The following MSRA variants were observed in gnomAD, a reference collection of about 807,000 sequenced individuals.
MSRA encodes the protein methionine sulfoxide reductase A, also known as mitochondrial peptide methionine sulfoxide reductase.
In MSRA, 54 loss-of-function variants were observed where a neutral mutation model predicts 31.3. The observed-to-expected ratio is 1.73, with a 90% CI of 1.39 to 2.17. MSRA has a LOEUF of 2.17. Ranked by LOEUF, MSRA falls within the 30% of genes most tolerant of loss-of-function variation. The probability of loss-of-function intolerance (pLI) is 0.00; values close to 1 mark genes in which losing one functional copy is unlikely to be tolerated. For synonymous variants in MSRA, 169 were observed against 116.5 expected (o/e 1.45, Z -2.90); for missense variants, 507 against 300.9 (o/e 1.69, Z -5.07).
intron 5 of MSRA, among the ~76,000 whole-genome samples, chr8:10,336,222 C>G (rs898715083): frequency 1.3e-5 from 2 of 152,062 alleles, no homozygotes; most frequent in African/African-American, 4.8e-5. Flanking sequence ...AACACAAAAT[C>G]TTTTAATAAA....
chr8:10,320,033 A>C (rs753290178), intron 5 of MSRA, 44 bp downstream of exon 5: 1 of 1,326,526 alleles, frequency 7.5e-7, no homozygotes, highest in Non-Finnish European at 1.1e-6. Context: ...GGCCACCATG[A>C]CTAGGGCCAG....
intron 3 of MSRA, among the ~76,000 whole-genome samples, chr8:10,252,157 G>C (rs1162519687): frequency 6.6e-6 from 1 of 152,208 alleles, no homozygotes; most frequent in Non-Finnish European, 1.5e-5. Flanking sequence ...TCTTTGTCGA[G>C]TAAGGGAACT....
chr8:10,168,274 C>T (rs117344298), intron 1 of MSRA, among the ~76,000 whole-genome samples: 2,774 of 152,142 alleles, frequency 0.018, 47 homozygotes, highest in Non-Finnish European at 0.027. Flanking sequence ...GTTCTAAAAC[C>T]TTGTGTTGTT....
At chr8:10,373,035 A>G (rs1490754128) in intron 5 of MSRA, among the ~76,000 whole-genome samples, 1 of 152,194 alleles carries the variant, frequency 6.6e-6, no homozygotes, top group East Asian at 1.9e-4. Context: ...GATTACAGGC[A>G]TGGCATTTAC....
intron 1 of MSRA, among the ~76,000 whole-genome samples, chr8:10,155,081 T>G (rs758333067): frequency 1.3e-5 from 2 of 150,862 alleles, no homozygotes; most frequent in Admixed American, 6.6e-5. Context: ...TCATTAAAAA[T>G]TTTTTATTGT....
chr8:10,345,394 G>C (rs1210038016), intron 5 of MSRA, among the ~76,000 whole-genome samples: 1 of 152,178 alleles, frequency 6.6e-6, no homozygotes, highest in Non-Finnish European at 1.5e-5. Context: ...ATTTCTAACT[G>C]AGTGTGTGAT....
intron 2 of MSRA, among the ~76,000 whole-genome samples, chr8:10,238,435 A>T (rs1812133595): frequency 6.6e-6 from 1 of 152,230 alleles, no homozygotes; most frequent in South Asian, 2.1e-4. Flanking sequence ...ATACACACTA[A>T]ACAGGGTAGG....
chr8:10,344,200 G>A (rs556533452), intron 5 of MSRA, among the ~76,000 whole-genome samples: 1 of 152,216 alleles, frequency 6.6e-6, no homozygotes, highest in South Asian at 2.1e-4. Context: ...CAGTGTGATC[G>A]AGGCAAGTGC....
At position 10,207,837 on chromosome 8, in the gene MSRA, AC is replaced by A. The variant is rs748333628; in HGVS notation, c.148del (p.His50IlefsTer36). ...TTTCTTTTTTTTTTTTTCTAGCCAA[AC>A]ATCATGTCAATGGCAACAGAACAGT... Reference protein sequence around the residue: ...RKEQTPVAAKHHVNGNRTVEP... With the variant: ...RKEQTPVAAKXHVNGNRTVEP... On this transcript the variant is annotated frameshift_variant, in exon 2 of 6. Transcript: ENST00000317173. LOFTEE classifies it high-confidence loss of function. 1 of 1,609,354 alleles carries A rather than the reference AC, an allele frequency of 6.2e-7. No individual in the cohort carries two copies.
chr8:10,325,883 A>G (rs1468136676), intron 5 of MSRA, among the ~76,000 whole-genome samples: 2 of 152,206 alleles, frequency 1.3e-5, no homozygotes, highest in East Asian at 3.8e-4. Flanking sequence ...TCCTGAAACC[A>G]CAGAGGTGTT....
intron 2 of MSRA, among the ~76,000 whole-genome samples, chr8:10,208,209 G>A (rs1297946151): frequency 1.3e-5 from 2 of 149,998 alleles, no homozygotes; most frequent in Non-Finnish European, 1.5e-5. Context: ...TTGCTAGCAC[G>A]GATTTTTTTT....
intron 1 of MSRA, among the ~76,000 whole-genome samples, chr8:10,132,300 T>A (rs1037841047): frequency 1.3e-5 from 2 of 152,234 alleles, no homozygotes; most frequent in African/African-American, 4.8e-5. Flanking sequence ...ACTGCAGCTC[T>A]GCCTGGCCAC....
At chr8:10,182,739 C>T (rs1474718879) in intron 1 of MSRA, among the ~76,000 whole-genome samples, 1 of 152,130 alleles carries the variant, frequency 6.6e-6, no homozygotes, top group Non-Finnish European at 1.5e-5. Flanking sequence ...GCCTGGAGGC[C>T]ACACCCAGTT....
intron 2 of MSRA, among the ~76,000 whole-genome samples, chr8:10,231,391 A>C (rs1219955978): frequency 6.6e-6 from 1 of 152,232 alleles, no homozygotes; most frequent in African/African-American, 2.4e-5. Flanking sequence ...CTGTGAAAAC[A>C]GAGACAGAAG....
chr8:10,109,988 A>T (rs187548362), intron 1 of MSRA, among the ~76,000 whole-genome samples: 2 of 152,284 alleles, frequency 1.3e-5, no homozygotes, highest in Admixed American at 6.5e-5. Context: ...GTTCACCCTT[A>T]GTAGGCTGTA....
chr8:10,413,751 T>A (rs766471038), intron 5 of MSRA, among the ~76,000 whole-genome samples: 1 of 151,468 alleles, frequency 6.6e-6, no homozygotes, highest in Non-Finnish European at 1.5e-5. Flanking sequence ...GAAGAAAGAA[T>A]GAAACTGGAA....
intron 2 of MSRA, among the ~76,000 whole-genome samples, chr8:10,219,806 C>CAAAAAAAAAAA (rs59393980): frequency 0.01 from 586 of 57,064 alleles, 49 homozygotes; most frequent in Middle Eastern, 0.02. Flanking sequence ...ACTCTGTCTC[C>CAAAAAAAAAAA]AAAAAAAAAA....
chr8:10,063,202 T>G (rs1218872498), intron 1 of MSRA, among the ~76,000 whole-genome samples: 3 of 152,244 alleles, frequency 2.0e-5, no homozygotes, highest in African/African-American at 7.2e-5. Flanking sequence ...CAGGGTCATC[T>G]TTGAGCCTTA....
intron 3 of MSRA, among the ~76,000 whole-genome samples, chr8:10,264,469 A>T (rs1344205615): frequency 6.6e-6 from 1 of 152,210 alleles, no homozygotes; most frequent in Non-Finnish European, 1.5e-5. Context: ...TTTTTGCAAC[A>T]TTTCCAGCTA....
Sources: gnomAD v4.1 joint callset for allele counts (sites outside exome capture counted in the v4.1 genomes callset) on GRCh38, gnomAD v4.1.1 for gene constraint, MANE v1.5 for transcripts, NCBI Gene and HGNC (gene_info 2026-07-23, HGNC 2026-07-21) for gene names.